The following SGPL1 variants were observed in gnomAD, a reference collection of about 807,000 sequenced individuals.
SGPL1 encodes sphingosine-1-phosphate lyase 1, also known as SP-lyase 1.
Under a neutral mutation model 68.9 loss-of-function variants are expected in SGPL1, and 37 were observed. The observed-to-expected ratio is 0.54, with a 90% confidence interval of 0.41 to 0.71. The LOEUF is 0.71. Ranked by LOEUF, SGPL1 falls within the 30% of genes least tolerant of loss-of-function variation. The pLI is 0.00. For missense variants in SGPL1, 551 were observed against 704.6 expected (o/e 0.78, Z 2.47); for synonymous variants, 236 against 248.5 (o/e 0.95, Z 0.47).
rs999592094 is a variant in SGPL1, at chr10:70,824,593, C to CA, written c.27+7722dup. Among the ~76,000 whole-genome samples, 14 of 149,420 alleles carry CA rather than the reference C, an allele frequency of 9.4e-5. No individual in the cohort carries two copies. In the South Asian group the frequency reaches 1.3e-3, roughly 14 times the overall value. On this transcript the variant is annotated intron_variant, in intron 2 of 14. Coordinates refer to ENST00000373202, the MANE Select transcript of SGPL1 (RefSeq NM_003901.4). ...TAATTTGTGTTCCATAGTGCGATGA[C>CA]AAAAAAAAAGTAAAAACAAAACAAA...
At chr10:70,857,517 T>C in intron 5 of SGPL1, 97 bp from the exon 6 acceptor site, 1 of 958,956 alleles carries the variant, frequency 1.0e-6, no homozygotes, top group Non-Finnish European at 1.6e-6. Context: ...TTTTTTTCTT[T>C]TGTATCCAGA....
At chr10:70,818,958 A>G (rs1321262350) in intron 2 of SGPL1, among the ~76,000 whole-genome samples, 1 of 152,234 alleles carries the variant, frequency 6.6e-6, no homozygotes, top group East Asian at 1.9e-4. Context: ...TCACCCAGAA[A>G]TAACCGCTGT....
At chr10:70,816,370 A>T (rs1845228154) in intron 1 of SGPL1, among the ~76,000 whole-genome samples, 1 of 151,634 alleles carries the variant, frequency 6.6e-6, no homozygotes, top group African/African-American at 2.4e-5. Context: ...GCCGCGGGGT[A>T]GGCATGGGCG....
intron 7 of SGPL1, among the ~76,000 whole-genome samples, chr10:70,866,957 A>G (rs1290277994): frequency 6.6e-6 from 1 of 151,518 alleles, no homozygotes; most frequent in Non-Finnish European, 1.5e-5. Flanking sequence ...TCCATCTTGT[A>G]TTAAGCTACA....
At chr10:70,839,287 G>A (rs1022285432) in intron 2 of SGPL1, among the ~76,000 whole-genome samples, 1 of 150,804 alleles carries the variant, frequency 6.6e-6, no homozygotes, top group African/African-American at 2.4e-5. Context: ...GTTTATAAGA[G>A]TTTGTTTTTT....
rs1403692352 is a variant in SGPL1, at chr10:70,878,072, GC to G, written c.*739del. 1.3e-5 allele frequency: 2 copies of G among 151,312 alleles called. No homozygotes were observed. Among genetic ancestry groups the G allele is most frequent in the Admixed American group, 1.3e-4 (2 of 15,204 alleles). 9.4% of individuals were successfully genotyped at this position (151,312 alleles called of 1,614,324 possible). ...GACCTCAGGTGATACCCGCCCCCCC[GC>G]CTCAGCCTCCCAAAGTGCTGGGATT... On this transcript the variant is annotated 3_prime_UTR_variant, in exon 15 of 15. Coordinates refer to ENST00000373202, the MANE Select transcript of SGPL1 (RefSeq NM_003901.4).
At chr10:70,873,116 C>T (rs942608564) in intron 11 of SGPL1, among the ~76,000 whole-genome samples, 3 of 152,170 alleles carry the variant, frequency 2.0e-5, no homozygotes, top group South Asian at 2.1e-4. Flanking sequence ...ATTAACTGGG[C>T]GCTGTTCTTC....
intron 4 of SGPL1, among the ~76,000 whole-genome samples, 192 bp downstream of exon 4, chr10:70,851,402 A>T (rs749582465): frequency 6.6e-5 from 10 of 151,772 alleles, no homozygotes; most frequent in Non-Finnish European, 1.5e-4. Context: ...CATGTAATGG[A>T]TCGTGTCCAG....
chr10:70,868,313 C>T, intron 7 of SGPL1, 32 bp from the exon 8 acceptor site: 1 of 1,517,026 alleles, frequency 6.6e-7, no homozygotes, highest in East Asian at 2.3e-5. Context: ...TTCCTGACTC[C>T]CCCAACAGAT....
intron 7 of SGPL1, among the ~76,000 whole-genome samples, chr10:70,863,911 C>T (rs1304078594): frequency 6.6e-6 from 1 of 152,156 alleles, no homozygotes; most frequent in Non-Finnish European, 1.5e-5. Flanking sequence ...CTGGTCCATC[C>T]TTTGCTCATC....
chr10:70,839,522 G>A (rs1448443838), intron 2 of SGPL1, among the ~76,000 whole-genome samples: 1 of 152,000 alleles, frequency 6.6e-6, no homozygotes, highest in African/African-American at 2.4e-5. Flanking sequence ...TTTTATGACT[G>A]TATTGTTCTT....
At chr10:70,876,779 T>C in intron 14 of SGPL1, 118 bp downstream of exon 14, 1 of 927,096 alleles carries the variant, frequency 1.1e-6, no homozygotes, top group South Asian at 1.6e-5. Flanking sequence ...ACAGACATCT[T>C]TTATTTGTTG....
intron 2 of SGPL1, among the ~76,000 whole-genome samples, chr10:70,830,144 C>T (rs1330879119): frequency 2.0e-5 from 3 of 152,048 alleles, no homozygotes; most frequent in Non-Finnish European, 4.4e-5. Flanking sequence ...TCCAAAGAAT[C>T]TTAGGTGGTT....
At chr10:70,828,195 TTAATA>T (rs113460102) in intron 2 of SGPL1, among the ~76,000 whole-genome samples, 6,304 of 152,332 alleles carry the variant, frequency 0.041, 198 homozygotes, top group Non-Finnish European at 0.062. Flanking sequence ...TACCAGAGTT[TTAATA>T]TATAACTTCT....
chr10:70,859,519 A>G lies in SGPL1; in HGVS notation c.615+20A>G. On this transcript the variant is annotated intron_variant, in intron 7 of 14. Coordinates refer to ENST00000373202, the MANE Select transcript of SGPL1 (RefSeq NM_003901.4). ...GGATGTGTAAGTATATGCAAGGGGC[A>G]TCCAATAGCCTTATTTTTTAGGTTA... The G allele has an allele frequency of 7.2e-7, 1 of 1,390,776 alleles. No individual in the cohort carries two copies. The highest frequency in any genetic ancestry group is 2.3e-5 in the Admixed American group (1 of 43,246). The allele number at this position is 1,390,776 out of a possible 1,614,324, so 86.2% of individuals were successfully genotyped here.
intron 5 of SGPL1, among the ~76,000 whole-genome samples, chr10:70,855,974 A>G (rs1287569856): frequency 2.6e-5 from 4 of 151,806 alleles, no homozygotes; most frequent in Non-Finnish European, 4.4e-5. Flanking sequence ...ACCAGGAGCC[A>G]TGTTGCATTT....
At chr10:70,846,639 C>T (rs1181734085) in intron 3 of SGPL1, among the ~76,000 whole-genome samples, 1 of 152,130 alleles carries the variant, frequency 6.6e-6, no homozygotes, top group Non-Finnish European at 1.5e-5. Context: ...ATTGTATCGC[C>T]TTGTTTTACA....
intron 11 of SGPL1, among the ~76,000 whole-genome samples, chr10:70,873,009 T>C (rs1488107441): frequency 6.6e-6 from 1 of 152,192 alleles, no homozygotes; most frequent in Non-Finnish European, 1.5e-5. Flanking sequence ...CTGGCTTCCA[T>C]TGCAAACTTA....
intron 12 of SGPL1, among the ~76,000 whole-genome samples, chr10:70,874,955 TC>T (rs1432740981): frequency 6.6e-6 from 1 of 152,168 alleles, no homozygotes; most frequent in Non-Finnish European, 1.5e-5. Context: ...TAAAAGGTCC[TC>T]CTATAGCTCT....
Sources: gnomAD v4.1 joint callset for allele counts (sites outside exome capture counted in the v4.1 genomes callset) on GRCh38, gnomAD v4.1.1 for gene constraint, MANE v1.5 for transcripts, NCBI Gene and HGNC (gene_info 2026-07-23, HGNC 2026-07-21) for gene names.